Variants in RNF213 observed in about 807,000 individuals in gnomAD.
RNF213 encodes the protein E3 ubiquitin-protein ligase RNF213.
A neutral mutation model predicts 514.4 loss-of-function variants in RNF213; 341 were observed. That is an observed-to-expected ratio of 0.66 (90% CI 0.61 to 0.73). The LOEUF is 0.73. Among genes scored for constraint, RNF213 ranks in the 30% least tolerant of loss-of-function variants. The pLI, the probability that RNF213 is intolerant of heterozygous loss-of-function variation, is 0.00. For synonymous variants in RNF213, 2,655 were observed against 2,658.2 expected, an observed-to-expected ratio of 1.00 and a Z score of 0.04; for missense variants, 5,767 against 6,615.6, an observed-to-expected ratio of 0.87 and a Z score of 4.45.
In RNF213 at chr17:80,332,621, T is replaced by C; in HGVS notation, c.4133T>C (p.Leu1378Ser). The change falls in exon 21 of 68, where the codon TTA (leucine) becomes TCA (serine). Residue 1378 changes from leucine to serine, a missense_variant. Leu to Ser is a moderately radical substitution (Grantham distance 145, BLOSUM62 -2). Coordinates refer to ENST00000582970, the MANE Select transcript of RNF213 (RefSeq NM_001256071.3). ...GGTGACTTCAGTGTTCTCAACACTT[T>C]ACTAAATTTTGTAAGTTATTTGCTG... Reference protein sequence around the residue: ...LNGDFSVLNTLLNFTDNFDDF... With the variant: ...LNGDFSVLNTSLNFTDNFDDF... The C allele has an allele frequency of 1.3e-6, 2 of 1,490,246 alleles. No homozygotes were observed. Among genetic ancestry groups the C allele is most frequent in the Non-Finnish European group, 1.8e-6 (2 of 1,124,254 alleles). 92.3% of individuals were successfully genotyped at this position (1,490,246 alleles called of 1,614,324 possible). A position where few individuals can be genotyped will look rare whatever the true frequency, so the allele number is the denominator to read the frequency against.
Position 80,347,247 on chromosome 17 carries a change from AT to A in RNF213, c.8913del (p.Asn2971LysfsTer47), listed in dbSNP as rs1437449036. ...KMVFAAAKAS[N>X]RKPSPQDIAQ... Reference sequence around the variant, plus strand: ...GTCTTTGCTGCAGCAAAGGCTTCAAATAGAAAGCCTTCCCCGCAAGACATTG... The same window carrying A: ...GTCTTTGCTGCAGCAAAGGCTTCAAAAGAAAGCCTTCCCCGCAAGACATTG... On this transcript the variant is annotated frameshift_variant, in exon 29 of 68. Transcript: ENST00000582970. LOFTEE classifies it high-confidence loss of function. The surrounding 1 kb of genome is among the most constrained non-coding windows in gnomAD (Gnocchi z 7.2). 6.2e-7 allele frequency: 1 copy of A among 1,613,426 alleles called. No homozygotes were observed. Among genetic ancestry groups the A allele is most frequent in the South Asian group, 1.1e-5 (1 of 90,930 alleles).
chr17:80,343,832 A>T lies in RNF213; in HGVS notation c.6184-25A>T. The T allele has an allele frequency of 6.2e-7, 1 of 1,613,884 alleles. No individual in the cohort carries two copies. Among genetic ancestry groups the T allele is most frequent in the East Asian group, 2.2e-5 (1 of 44,872 alleles). On this transcript the variant is annotated intron_variant, in intron 27 of 67. Transcript: ENST00000582970. The surrounding 1 kb of genome is among the most constrained non-coding windows in gnomAD (Gnocchi z 4.3). ...GAACTCGCCATCGTGTCGTGTGTTT[A>T]CACCTCGTGCGATTCTGTTCTTAGG... is the stretch of plus-strand genomic sequence containing the variant.
In RNF213 at chr17:80,287,813, A is replaced by G; in HGVS notation, c.262-2A>G. 1 of 1,613,354 alleles carries G rather than the reference A, an allele frequency of 6.2e-7. No individual in the cohort carries two copies. Among genetic ancestry groups the G allele is most frequent in the Non-Finnish European group, 8.5e-7 (1 of 1,179,468 alleles). ...AAAGTGAGTGTCTCTCTTTCTGTTT[A>G]GAGCAAAAAGAAGAAAAGGAAGAAG... On this transcript the variant is annotated splice_acceptor_variant, in intron 3 of 67. Transcript: ENST00000582970. LOFTEE classifies it high-confidence loss of function.
intron 10 of RNF213, among the ~76,000 whole-genome samples, chr17:80,297,415 A>G (rs1382582981): frequency 8.8e-5 from 12 of 136,426 alleles, no homozygotes; most frequent in Middle Eastern, 0.011. Context: ...GTGCCACTGC[A>G]CTCCAGCCTG....
At chr17:80,280,579 G>T (rs539894412) in intron 3 of RNF213, among the ~76,000 whole-genome samples, 1 of 151,750 alleles carries the variant, frequency 6.6e-6, no homozygotes, top group Non-Finnish European at 1.5e-5. Flanking sequence ...TCAGCCTCCC[G>T]AGTAGCTGGG....
chr17:80,278,302 G>A (rs940650536), intron 3 of RNF213, among the ~76,000 whole-genome samples: 3 of 152,246 alleles, frequency 2.0e-5, no homozygotes, highest in African/African-American at 4.8e-5. Flanking sequence ...CAGACTGCCC[G>A]CCTCCGCCTC....
chr17:80,381,924 C>CT, intron 57 of RNF213, 197 bp downstream of exon 57: 1 of 620,494 alleles, frequency 1.6e-6, no homozygotes, highest in East Asian at 2.9e-5. Context: ...AGGAAGCACT[C>CT]TGCTTGCCCA....
Position 80,372,596 on chromosome 17 carries a change from CTT to C in RNF213, c.12614_12615del (p.Leu4205GlnfsTer19). On this transcript the variant is annotated frameshift_variant, in exon 48 of 68. Coordinates refer to ENST00000582970, the MANE Select transcript of RNF213 (RefSeq NM_001256071.3). LOFTEE classifies it high-confidence loss of function. ...CCACCTAGAAGAGGAAGGTCGTTTC[CTT>C]AAGGCATATTCTCCAGCAAGCCGGG... Reference protein sequence around the residue: ...LNHLEEEGRFLKAYSPASRGR... With the variant: ...LNHLEEEGRFXKAYSPASRGR... 6.2e-7 allele frequency: 1 copy of C among 1,613,978 alleles called. No individual in the cohort carries two copies. The highest frequency in any genetic ancestry group is 8.5e-7 in the Non-Finnish European group (1 of 1,179,970).
Position 80,369,673 on chromosome 17 carries a change from T to G in RNF213, c.12325+2T>G. Reference sequence around the variant, plus strand: ...GGCGCTTAAGAGATGCTGCCCAGAGTAGGTTGCTTTCTTCCTGTAAACCTA... The same window carrying G: ...GGCGCTTAAGAGATGCTGCCCAGAGGAGGTTGCTTTCTTCCTGTAAACCTA... On this transcript the variant is annotated splice_donor_variant, in intron 45 of 67. Transcript: ENST00000582970. LOFTEE classifies it high-confidence loss of function. 6.2e-7 allele frequency: 1 copy of G among 1,614,184 alleles called. No individual in the cohort carries two copies. Among genetic ancestry groups the G allele is most frequent in the Non-Finnish European group, 8.5e-7 (1 of 1,180,040 alleles).
In RNF213 at chr17:80,394,811, C is replaced by T. The variant is rs139961057; in HGVS notation, c.*1313C>T. On this transcript the variant is annotated 3_prime_UTR_variant, in exon 68 of 68. Coordinates refer to ENST00000582970, the MANE Select transcript of RNF213 (RefSeq NM_001256071.3). ...CAGTGTCTGATGAAGGGCAGAGTGA[C>T]CCAGACTGCAGGCAGTAACTGACTT... 7 of 152,366 alleles carry T rather than the reference C, an allele frequency of 4.6e-5. No homozygotes were observed. The East Asian group carries it at 1.3e-3, about 29-fold the overall frequency. 9.4% of individuals were successfully genotyped at this position (152,366 alleles called of 1,614,324 possible).
chr17:80,386,911 C>T lies in RNF213; in HGVS notation c.14922+20C>T, dbSNP rs549788687. ...CTCAAGGTAGGGCTGACTCCTGCCA[C>T]TGCTGCTCATTTGGTGTGTCTGTTG... On this transcript the variant is annotated intron_variant, in intron 63 of 67. Transcript: ENST00000582970. 6.9e-6 allele frequency: 11 copies of T among 1,599,482 alleles called. No individual in the cohort carries two copies. In the East Asian group the frequency reaches 2.5e-4, roughly 36 times the overall value.
At chr17:80,284,915 C>T (rs113777066) in intron 3 of RNF213, among the ~76,000 whole-genome samples, 166 of 152,344 alleles carry the variant, frequency 1.1e-3, no homozygotes, top group African/African-American at 3.8e-3. Flanking sequence ...CAGTGGGTCC[C>T]TATGGCCAGG....
Position 80,379,615 on chromosome 17 carries a change from C to G in RNF213, c.13546-5C>G. ...AGTGGTTCTAGTGCCCTGTCTTCACCCTAGTGTGGCAGGCCGATGGAACAG... is the reference window on the plus strand; with the variant it reads ...AGTGGTTCTAGTGCCCTGTCTTCACGCTAGTGTGGCAGGCCGATGGAACAG... On this transcript the variant is annotated splice_polypyrimidine_tract_variant and splice_region_variant and intron_variant, in intron 54 of 67. Transcript: ENST00000582970. 1 of 1,613,870 alleles carries G rather than the reference C, an allele frequency of 6.2e-7. No individual in the cohort carries two copies. The highest frequency in any genetic ancestry group is 8.5e-7 in the Non-Finnish European group (1 of 1,179,790).
intron 30 of RNF213, among the ~76,000 whole-genome samples, 181 bp from the exon 31 acceptor site, chr17:80,350,120 C>T (rs923864301): frequency 1.1e-4 from 17 of 152,178 alleles, no homozygotes; most frequent in African/African-American, 3.6e-4. Context: ...GCACCATCCT[C>T]GGACCTCGTT....
chr17:80,371,809 CT>C, intron 46 of RNF213, 64 bp from the exon 47 acceptor site: 16 of 845,008 alleles, frequency 1.9e-5, no homozygotes, highest in South Asian at 2.8e-5. Context: ...GATAGATGCT[CT>C]TTTTTTTAGT....
At chr17:80,381,199 C>T in intron 56 of RNF213, 1 of 633,210 alleles carries the variant, frequency 1.6e-6, no homozygotes, top group Non-Finnish European at 2.8e-6. Flanking sequence ...ACAGAATCCA[C>T]TTCAAATTAA....
At chr17:80,298,833 G>T (rs2045064402) in intron 11 of RNF213, 3 of 327,416 alleles carry the variant, frequency 9.2e-6, no homozygotes, top group East Asian at 7.8e-5. Flanking sequence ...AAAAAAATTA[G>T]CCAGGTGTGG....
At chr17:80,337,475 G>T in intron 23 of RNF213, 111 bp from the exon 24 acceptor site, 1 of 1,399,842 alleles carries the variant, frequency 7.1e-7, no homozygotes, top group Non-Finnish European at 9.6e-7. Flanking sequence ...CTGGGGAAGC[G>T]TGGGGAGAAG....
chr17:80,331,882 T>G, intron 20 of RNF213, 124 bp from the exon 21 acceptor site: 2 of 1,153,708 alleles, frequency 1.7e-6, no homozygotes, highest in South Asian at 1.7e-5. Flanking sequence ...GAGAAAGAAA[T>G]CCTAGCAGCT....
Sources: allele counts gnomAD v4.1 joint callset (sites outside exome capture counted in the v4.1 genomes callset), GRCh38; gene constraint gnomAD v4.1.1; non-coding constraint Gnocchi (gnomAD v3.1); transcripts MANE v1.5; gene names NCBI Gene and HGNC (gene_info 2026-07-23, HGNC 2026-07-21).